The following RYR3 variants were observed in gnomAD, a reference collection of about 807,000 sequenced individuals.
The protein encoded by RYR3 is ryanodine receptor 3.
RYR3 carries 207 observed loss-of-function variants against 584.3 expected under a neutral mutation model. The observed-to-expected ratio is 0.35, with a 90% CI of 0.32 to 0.40. The LOEUF is 0.40. Among genes scored for constraint, RYR3 ranks in the 10% least tolerant of loss-of-function variants. The pLI, the probability that RYR3 is intolerant of heterozygous loss-of-function variation, is 1.00. For synonymous variants in RYR3, 2,416 were observed against 2,248.5 expected (o/e 1.07, Z -2.11); for missense variants, 5,616 against 6,089.2 (o/e 0.92, Z 2.59).
chr15:33,513,828 T>C (rs1182553445), intron 3 of RYR3, among the ~76,000 whole-genome samples: 2 of 152,190 alleles, frequency 1.3e-5, no homozygotes. Flanking sequence ...CCTAAACGTC[T>C]ATCCCAGGAT....
In RYR3 at chr15:33,432,697, T is replaced by TGTGTG. The variant is rs1555469372; in HGVS notation, c.52-40722_52-40721insGTGTG. ...GTGTGTGTGTGTGTGTGTGTGTGTGTTTAAAGTAGAGATGGGGTTTCACTA... is the reference window on the plus strand; with the variant it reads ...GTGTGTGTGTGTGTGTGTGTGTGTGTGTGTGTTAAAGTAGAGATGGGGTTTCACTA... On this transcript the variant is annotated intron_variant, in intron 1 of 103. Coordinates refer to ENST00000634891, the MANE Select transcript of RYR3 (RefSeq NM_001036.6). Among the ~76,000 whole-genome samples the TGTGTG allele has an allele frequency of 2.7e-3, 400 of 148,978 alleles. 1 individual carries two copies. The highest frequency in any genetic ancestry group is 9.7e-3 in the African/African-American group (386 of 39,980).
intron 31 of RYR3, among the ~76,000 whole-genome samples, chr15:33,650,597 C>G (rs2062409183): frequency 6.6e-6 from 1 of 152,142 alleles, no homozygotes; most frequent in African/African-American, 2.4e-5. Flanking sequence ...CAGTAAATAT[C>G]AGCTACAGTC....
intron 43 of RYR3, among the ~76,000 whole-genome samples, chr15:33,712,062 G>C (rs538538017): frequency 6.6e-6 from 1 of 152,286 alleles, no homozygotes; most frequent in South Asian, 2.1e-4. Context: ...TTGGCTTCTG[G>C]TGAAGCCTCT....
At chr15:33,315,927 G>A (rs771614099) in intron 1 of RYR3, among the ~76,000 whole-genome samples, 18 of 152,302 alleles carry the variant, frequency 1.2e-4, no homozygotes, top group Admixed American at 6.5e-4. Flanking sequence ...AAGGACTGAG[G>A]TCAAGGGATA....
intron 38 of RYR3, among the ~76,000 whole-genome samples, chr15:33,693,071 G>C (rs1028134689): frequency 6.6e-6 from 1 of 152,208 alleles, no homozygotes; most frequent in Admixed American, 6.5e-5. Context: ...TTTGTTAGTC[G>C]TGAGAACTAT....
At chr15:33,420,926 T>C (rs529647757) in intron 1 of RYR3, among the ~76,000 whole-genome samples, 4 of 152,252 alleles carry the variant, frequency 2.6e-5, no homozygotes, top group African/African-American at 7.2e-5. Context: ...GTACCTGCCC[T>C]GTACCATGCA....
In RYR3 at chr15:33,756,376, A is replaced by G; in HGVS notation, c.8583+3A>G. The G allele has an allele frequency of 1.9e-6, 3 of 1,567,002 alleles. No homozygotes were observed. Among genetic ancestry groups the G allele is most frequent in the Non-Finnish European group, 2.6e-6 (3 of 1,153,588 alleles). Reference sequence around the variant, plus strand: ...AGGAGATCAAATTCTTTGCCAAAGTAAGTGGCCCTGCACTTAATCAAATTA... The same window carrying G: ...AGGAGATCAAATTCTTTGCCAAAGTGAGTGGCCCTGCACTTAATCAAATTA... On this transcript the variant is annotated splice_donor_region_variant and intron_variant, in intron 59 of 103. Coordinates refer to ENST00000634891, the MANE Select transcript of RYR3 (RefSeq NM_001036.6).
chr15:33,389,839 G>T (rs2041879933), intron 1 of RYR3, among the ~76,000 whole-genome samples: 1 of 152,090 alleles, frequency 6.6e-6, no homozygotes, highest in African/African-American at 2.4e-5. Context: ...TAGTATTTAT[G>T]GGTTATTATT....
At chr15:33,772,355 T>C (rs893006961) in intron 63 of RYR3, among the ~76,000 whole-genome samples, 197 bp downstream of exon 63, 1 of 152,210 alleles carries the variant, frequency 6.6e-6, no homozygotes, top group African/African-American at 2.4e-5. Flanking sequence ...AATTCCCTAA[T>C]TTGAGTATAT....
At chr15:33,695,525 T>G (rs1289049339) in intron 38 of RYR3, among the ~76,000 whole-genome samples, 1 of 152,180 alleles carries the variant, frequency 6.6e-6, no homozygotes, top group Non-Finnish European at 1.5e-5. Context: ...CAAGATGCAG[T>G]GTCAGCTGAC....
At chr15:33,581,190 A>G (rs1475541024) in intron 13 of RYR3, among the ~76,000 whole-genome samples, 2 of 152,146 alleles carry the variant, frequency 1.3e-5, no homozygotes, top group Admixed American at 6.5e-5. Context: ...CCAGACTGAA[A>G]GCAGGTTTTT....
At chr15:33,858,714 C>T (rs1411061285) in intron 99 of RYR3, 3 of 143,368 alleles carry the variant, frequency 2.1e-5, no homozygotes, top group Admixed American at 7.2e-5. Flanking sequence ...CAGGCCAGAT[C>T]TTCGTGAGAA....
chr15:33,782,813 G>C (rs1163951116), intron 65 of RYR3, among the ~76,000 whole-genome samples: 1 of 152,106 alleles, frequency 6.6e-6, no homozygotes, highest in African/African-American at 2.4e-5. Context: ...TAACATCCTG[G>C]TGCATTTTCT....
chr15:33,824,849 G>A (rs969517069), intron 81 of RYR3, among the ~76,000 whole-genome samples: 3 of 152,152 alleles, frequency 2.0e-5, no homozygotes, highest in African/African-American at 4.8e-5. Flanking sequence ...GTTAGACTCC[G>A]TTAGTAAAAT....
chr15:33,766,947 CAGT>C (rs2073128448), intron 60 of RYR3, among the ~76,000 whole-genome samples: 1 of 152,220 alleles, frequency 6.6e-6, no homozygotes, highest in African/African-American at 2.4e-5. Flanking sequence ...AGGGAACAAG[CAGT>C]AGCCTTTGGA....
chr15:33,613,831 A>C (rs552392027), intron 19 of RYR3, among the ~76,000 whole-genome samples: 2 of 152,224 alleles, frequency 1.3e-5, no homozygotes, highest in East Asian at 3.9e-4. Flanking sequence ...TTATGTCTTG[A>C]TTATCTTTTA....
chr15:33,753,441 G>A (rs2071519363), intron 57 of RYR3, among the ~76,000 whole-genome samples: 2 of 152,196 alleles, frequency 1.3e-5, no homozygotes, highest in Non-Finnish European at 2.9e-5. Context: ...GGCATTGGCT[G>A]CTTAAATCTT....
At chr15:33,563,569 A>G (rs2057532864) in intron 11 of RYR3, among the ~76,000 whole-genome samples, 1 of 152,186 alleles carries the variant, frequency 6.6e-6, no homozygotes, top group South Asian at 2.1e-4. Flanking sequence ...CAGAAAGTCA[A>G]TTGCCGTAAC....
intron 19 of RYR3, 145 bp downstream of exon 19, chr15:33,613,520 C>G (rs2060300754): frequency 1.3e-6 from 1 of 787,402 alleles, no homozygotes; most frequent in Non-Finnish European, 1.9e-6. Flanking sequence ...AGGGCAAGAG[C>G]CAACTAGAGT....
Sources: gnomAD v4.1 joint callset for allele counts (sites outside exome capture counted in the v4.1 genomes callset) on GRCh38, gnomAD v4.1.1 for gene constraint, MANE v1.5 for transcripts, NCBI Gene and HGNC (gene_info 2026-07-23, HGNC 2026-07-21) for gene names.